Variants in KIF6 observed in about 807,000 individuals in gnomAD.
KIF6 encodes kinesin family member 6, also known as kinesin-like protein KIF6.
A neutral mutation model predicts 112.7 loss-of-function variants in KIF6; 106 were observed. The ratio of observed to expected loss-of-function variants is 0.94; its 90% confidence interval spans 0.80 to 1.11. The LOEUF (loss-of-function observed/expected upper bound fraction) is 1.11, where lower values mean the gene tolerates loss of function less well. KIF6 is among the 50% of genes least tolerant of loss of function. KIF6 has a pLI of 0.00. For missense variants in KIF6, 929 were observed against 964.0 expected, an observed-to-expected ratio of 0.96 and a Z score of 0.48; for synonymous variants, 339 against 339.9, an observed-to-expected ratio of 1.00 and a Z score of 0.03.
rs776736108 is a variant in KIF6, at chr6:39,634,830, T to C, written c.509+19A>G. On this transcript the variant is annotated intron_variant, in intron 5 of 22. Transcript: ENST00000287152. ...TCTGAAAGTAATTTCCCTCCATTCT[T>C]TGTTGTTCTGCTACTCACGGCAAAT... 2.7e-5 allele frequency: 37 copies of C among 1,380,548 alleles called. No individual in the cohort carries two copies. Among genetic ancestry groups the C allele is most frequent in the South Asian group, 4.6e-5 (4 of 86,078 alleles). The allele number at this position is 1,380,548 out of a possible 1,614,324, so 85.5% of individuals were successfully genotyped here. A position where few individuals can be genotyped will look rare whatever the true frequency, so the allele number is the denominator to read the frequency against.
intron 6 of KIF6, among the ~76,000 whole-genome samples, chr6:39,598,198 A>T (rs1782380795): frequency 6.6e-6 from 1 of 152,072 alleles, no homozygotes; most frequent in South Asian, 2.1e-4. Flanking sequence ...AAAATAAATA[A>T]ATAAATACAT....
rs565064203 is a variant in KIF6, at chr6:39,378,011, T to C, written c.1861+7611A>G. Among the ~76,000 whole-genome samples the C allele has an allele frequency of 5.3e-4, 81 of 152,250 alleles. 1 individual carries two copies. Among genetic ancestry groups the C allele is most frequent in the African/African-American group, 1.7e-3 (69 of 41,536 alleles). ...TCCTTTGGAACTTGTTGATCTTAAG[T>C]TTAAGATATTTTCTTTTTTTAATTA... On this transcript the variant is annotated intron_variant, in intron 16 of 22. Coordinates refer to ENST00000287152, the MANE Select transcript of KIF6 (RefSeq NM_145027.6). The surrounding 1 kb of genome is among the most constrained non-coding windows in gnomAD (Gnocchi z 5.0).
intron 13 of KIF6, among the ~76,000 whole-genome samples, chr6:39,535,696 C>A (rs1022888304): frequency 2.0e-5 from 3 of 152,188 alleles, no homozygotes; most frequent in East Asian, 3.8e-4. Flanking sequence ...TTGAACTCAG[C>A]TCTGCACCAA....
intron 13 of KIF6, among the ~76,000 whole-genome samples, chr6:39,452,979 GACTTAACCCACA>G (rs1393105424): frequency 6.6e-6 from 1 of 152,190 alleles, no homozygotes; most frequent in Non-Finnish European, 1.5e-5. Flanking sequence ...TTCTTTAGAT[GACTTAACCCACA>G]ACTTTGTTAA....
At chr6:39,546,066 G>C (rs1360959820) in intron 10 of KIF6, among the ~76,000 whole-genome samples, 2 of 152,138 alleles carry the variant, frequency 1.3e-5, no homozygotes, top group Non-Finnish European at 2.9e-5. Context: ...CGCTTCAGCT[G>C]GCACCTCAGT....
intron 15 of KIF6, among the ~76,000 whole-genome samples, chr6:39,386,136 A>G (rs1289310525): frequency 1.3e-5 from 2 of 152,240 alleles, no homozygotes; most frequent in Non-Finnish European, 1.5e-5. Flanking sequence ...ATAGTTGGTC[A>G]TTTGGTGTGA....
At chr6:39,490,411 G>A (rs1285310753) in intron 13 of KIF6, among the ~76,000 whole-genome samples, 7 of 152,180 alleles carry the variant, frequency 4.6e-5, no homozygotes, top group Admixed American at 3.3e-4. Context: ...GAATGCTACC[G>A]GGGAAAAAGT....
intron 13 of KIF6, among the ~76,000 whole-genome samples, chr6:39,438,769 T>C (rs1771725982): frequency 6.6e-6 from 1 of 152,212 alleles, no homozygotes; most frequent in African/African-American, 2.4e-5. Context: ...ACACATAGTG[T>C]ACAGTAATGT....
chr6:39,605,432 TAGC>T (rs1782830659), intron 6 of KIF6, among the ~76,000 whole-genome samples: 1 of 152,124 alleles, frequency 6.6e-6, no homozygotes, highest in African/African-American at 2.4e-5. Flanking sequence ...CTAAGAATTT[TAGC>T]AGTTTATTCA....
chr6:39,713,139 C>T (rs9380887), intron 3 of KIF6, among the ~76,000 whole-genome samples: 59,252 of 151,854 alleles, frequency 0.39, 11,809 homozygotes, highest in East Asian at 0.58. Flanking sequence ...GAATTCCGGG[C>T]AGAGGGAACA....
At chr6:39,695,144 C>T (rs974506305) in intron 3 of KIF6, among the ~76,000 whole-genome samples, 1 of 152,016 alleles carries the variant, frequency 6.6e-6, no homozygotes, top group African/African-American at 2.4e-5. Context: ...GGACCCCTAC[C>T]TCTCACCATA....
intron 5 of KIF6, among the ~76,000 whole-genome samples, chr6:39,620,750 T>TTTTATTTATTTA (rs71543964): frequency 0.087 from 12,909 of 148,560 alleles, 785 homozygotes; most frequent in Admixed American, 0.17. Context: ...CTTAACAACA[T>TTTTATTTATTTA]TTTATTTATT....
At chr6:39,439,346 T>C (rs564767563) in intron 13 of KIF6, among the ~76,000 whole-genome samples, 3 of 152,168 alleles carry the variant, frequency 2.0e-5, no homozygotes, top group Non-Finnish European at 4.4e-5. Context: ...TCTTAGTTGT[T>C]TGCTTTTAGT....
intron 22 of KIF6, among the ~76,000 whole-genome samples, chr6:39,339,065 T>A (rs963732942): frequency 2.0e-4 from 30 of 152,266 alleles, no homozygotes; most frequent in African/African-American, 6.7e-4. Context: ...CATTTCAAAC[T>A]CATTCACTTT....
chr6:39,648,226 G>GGGT (rs1785281218), intron 3 of KIF6, among the ~76,000 whole-genome samples: 2 of 109,146 alleles, frequency 1.8e-5, no homozygotes, highest in African/African-American at 7.1e-5. Context: ...GGGCGGGCGG[G>GGGT]GGGGGGTGCC....
chr6:39,400,306 G>A (rs990128073), intron 15 of KIF6, among the ~76,000 whole-genome samples: 4 of 152,118 alleles, frequency 2.6e-5, no homozygotes, highest in African/African-American at 4.8e-5. Context: ...GGAAAAGGGC[G>A]GCATTCTTTC....
At chr6:39,491,306 T>C (rs980472536) in intron 13 of KIF6, among the ~76,000 whole-genome samples, 15 of 152,018 alleles carry the variant, frequency 9.9e-5, no homozygotes, top group Admixed American at 3.3e-4. Flanking sequence ...GGAGAGGCCC[T>C]GAGCCAGTGT....
intron 13 of KIF6, among the ~76,000 whole-genome samples, chr6:39,505,599 C>A (rs1344102823): frequency 6.6e-6 from 1 of 152,098 alleles, no homozygotes; most frequent in African/African-American, 2.4e-5. Flanking sequence ...TGCAATCTAT[C>A]CATCTGACAA....
intron 13 of KIF6, among the ~76,000 whole-genome samples, chr6:39,518,634 T>A (rs1271555596): frequency 2.6e-5 from 4 of 152,218 alleles, no homozygotes; most frequent in Non-Finnish European, 4.4e-5. Flanking sequence ...AAGGAAAAGA[T>A]GTCATGTATA....
Sources: allele counts gnomAD v4.1 joint callset (sites outside exome capture counted in the v4.1 genomes callset), GRCh38; gene constraint gnomAD v4.1.1; non-coding constraint Gnocchi (gnomAD v3.1); transcripts MANE v1.5; gene names NCBI Gene and HGNC (gene_info 2026-07-23, HGNC 2026-07-21).